The following PCDH7 variants were observed in gnomAD, a reference collection of about 807,000 sequenced individuals.
The protein encoded by PCDH7 is protocadherin 7, also known as protocadherin-7.
Under a neutral mutation model 58.9 loss-of-function variants are expected in PCDH7, and 17 were observed. That is an observed-to-expected ratio of 0.29 (90% confidence interval 0.20 to 0.43). PCDH7 has a LOEUF of 0.43. PCDH7 is among the 20% of genes least tolerant of loss of function. The probability of loss-of-function intolerance (pLI) is 1.00; values close to 1 mark genes in which losing one functional copy is unlikely to be tolerated. For missense variants in PCDH7, 1,274 were observed against 1,441.0 expected (o/e 0.88, Z 1.88); for synonymous variants, 664 against 616.4 (o/e 1.08, Z -1.14).
intron 3 of PCDH7, among the ~76,000 whole-genome samples, chr4:30,952,609 G>A (rs1464045915): frequency 2.0e-5 from 3 of 151,838 alleles, no homozygotes; most frequent in Admixed American, 2.0e-4. Flanking sequence ...AATTGGGAGG[G>A]AAAAAATCAA....
At chr4:30,815,542 C>T (rs904390104) in intron 1 of PCDH7, among the ~76,000 whole-genome samples, 42 of 152,342 alleles carry the variant, frequency 2.8e-4, no homozygotes, top group African/African-American at 9.9e-4. Context: ...TTGGAGCGGG[C>T]TGTCCACATG....
At chr4:31,145,064 T>TA (rs1720587862), downstream of PCDH7, 3 of 152,074 alleles carry the variant, frequency 2.0e-5, no homozygotes, top group African/African-American at 7.2e-5. Flanking sequence ...TTTTTTTTTT[T>TA]TAATGCATTT....
intron 1 of PCDH7, among the ~76,000 whole-genome samples, chr4:30,749,487 T>TA (rs1430479903): frequency 6.6e-6 from 1 of 152,110 alleles, no homozygotes; most frequent in Non-Finnish European, 1.5e-5. Context: ...AATCATCAAA[T>TA]ACATGAGTAT....
intron 1 of PCDH7, among the ~76,000 whole-genome samples, chr4:30,783,580 T>A (rs1723051430): frequency 6.6e-6 from 1 of 152,196 alleles, no homozygotes; most frequent in South Asian, 2.1e-4. Flanking sequence ...CTGTTTCTTT[T>A]AAAATATATA....
At chr4:31,027,204 G>T (rs1012481738) in intron 3 of PCDH7, among the ~76,000 whole-genome samples, 1 of 151,786 alleles carries the variant, frequency 6.6e-6, no homozygotes, top group African/African-American at 2.4e-5. Flanking sequence ...TCCCCCCAAG[G>T]ACTCTTTAAA....
intron 3 of PCDH7, among the ~76,000 whole-genome samples, chr4:31,032,020 G>A (rs1012250863): frequency 1.3e-5 from 2 of 152,166 alleles, no homozygotes; most frequent in Admixed American, 1.3e-4. Flanking sequence ...ATAAAGTATA[G>A]AGCTACTTAT....
At chr4:30,858,701 T>C (rs936183057) in intron 1 of PCDH7, among the ~76,000 whole-genome samples, 11 of 152,176 alleles carry the variant, frequency 7.2e-5, no homozygotes, top group African/African-American at 2.7e-4. Context: ...TGTGTATACA[T>C]AAGCAGGTTA....
intron 1 of PCDH7, among the ~76,000 whole-genome samples, chr4:30,887,138 A>T (rs187522251): frequency 6.6e-5 from 10 of 152,044 alleles, no homozygotes; most frequent in East Asian, 1.9e-4. Context: ...TAATAATAAT[A>T]AAAAAAAGCT....
intron 3 of PCDH7, among the ~76,000 whole-genome samples, chr4:31,034,159 T>G (rs957528763): frequency 6.6e-6 from 1 of 152,070 alleles, no homozygotes; most frequent in African/African-American, 2.4e-5. Flanking sequence ...ACTCAATTTA[T>G]CCTATCTTGC....
At chr4:31,006,562 G>A (rs1752780446) in intron 3 of PCDH7, among the ~76,000 whole-genome samples, 1 of 152,148 alleles carries the variant, frequency 6.6e-6, no homozygotes, top group Non-Finnish European at 1.5e-5. Flanking sequence ...CACGGTTGCA[G>A]TCACGTATAA....
At chr4:31,140,577 T>A (rs1465774798) in intron 3 of PCDH7, among the ~76,000 whole-genome samples, 1 of 150,908 alleles carries the variant, frequency 6.6e-6, no homozygotes, top group Admixed American at 6.6e-5. Flanking sequence ...TCTATCCTTT[T>A]TTCCCCCTGT....
At chr4:30,773,662 T>C (rs1721705175) in intron 1 of PCDH7, among the ~76,000 whole-genome samples, 1 of 152,128 alleles carries the variant, frequency 6.6e-6, no homozygotes, top group African/African-American at 2.4e-5. Flanking sequence ...CCCACCATCA[T>C]AAATATTTTA....
intron 1 of PCDH7, among the ~76,000 whole-genome samples, chr4:30,894,850 T>A (rs1219362910): frequency 6.6e-6 from 1 of 151,152 alleles, no homozygotes. Flanking sequence ...GAAAATCAGA[T>A]TCATTCTCTA....
intron 1 of PCDH7, among the ~76,000 whole-genome samples, chr4:30,825,773 T>C (rs1323671783): frequency 1.0e-5 from 1 of 96,298 alleles, no homozygotes; most frequent in African/African-American, 4.5e-5. Flanking sequence ...AATGTACTTT[T>C]GTATGGCTAT....
At position 31,063,612 on chromosome 4, in the gene PCDH7, A is replaced by G. The variant is rs142393452; in HGVS notation, c.*8-78861A>G. Among the ~76,000 whole-genome samples, 520 of 152,056 alleles carry G rather than the reference A, an allele frequency of 3.4e-3. 1 individual carries two copies. Among genetic ancestry groups the G allele is most frequent in the Middle Eastern group, 0.014 (4 of 294 alleles). On this transcript the variant is annotated intron_variant, in intron 3 of 3. Transcript: ENST00000509759. ...GTAACTTGTAAAAGAGATAGCAGTT[A>G]TTAAGTAGCAATGCTGTCAGTCAAA...
chr4:31,022,625 C>T (rs1754115692), intron 3 of PCDH7, among the ~76,000 whole-genome samples: 1 of 152,134 alleles, frequency 6.6e-6, no homozygotes, highest in Non-Finnish European at 1.5e-5. Flanking sequence ...TCATATTTAT[C>T]ATCAGGAGAG....
At chr4:31,119,953 T>TC (rs1222834528) in intron 3 of PCDH7, among the ~76,000 whole-genome samples, 1 of 151,896 alleles carries the variant, frequency 6.6e-6, no homozygotes, top group East Asian at 1.9e-4. Flanking sequence ...TTCAGGTTTT[T>TC]TTTTTTTCCA....
At chr4:31,115,164 A>C (rs1716841180) in intron 3 of PCDH7, among the ~76,000 whole-genome samples, 1 of 152,240 alleles carries the variant, frequency 6.6e-6, no homozygotes, top group Non-Finnish European at 1.5e-5. Context: ...AATAAACAGC[A>C]CATACAAATT....
intron 1 of PCDH7, among the ~76,000 whole-genome samples, chr4:30,848,343 A>G (rs1041964109): frequency 1.3e-5 from 2 of 152,150 alleles, no homozygotes; most frequent in Non-Finnish European, 2.9e-5. Flanking sequence ...TTGAGGTAAT[A>G]TGTCATCAGG....
Sources: allele counts gnomAD v4.1 joint callset (sites outside exome capture counted in the v4.1 genomes callset), GRCh38; gene constraint gnomAD v4.1.1; transcripts MANE v1.5; gene names NCBI Gene and HGNC (gene_info 2026-07-23, HGNC 2026-07-21).